Variants in PHF8 observed in about 807,000 individuals in gnomAD.
PHF8 encodes PHD finger protein 8.
In PHF8, 9 loss-of-function variants were observed where a neutral mutation model predicts 74.4. The ratio of observed to expected loss-of-function variants is 0.12; its 90% confidence interval spans 0.07 to 0.21. The LOEUF (loss-of-function observed/expected upper bound fraction) is 0.21, where lower values mean the gene tolerates loss of function less well. Among genes scored for constraint, PHF8 ranks in the 10% least tolerant of loss-of-function variants. The pLI, the probability that PHF8 is intolerant of heterozygous loss-of-function variation, is 1.00. For missense variants in PHF8, 478 were observed against 816.6 expected (o/e 0.59, Z 5.05); for synonymous variants, 311 against 316.6 (o/e 0.98, Z 0.19).
chrX:54,045,691 AT>A (rs782681933), upstream of PHF8, among the ~76,000 whole-genome samples: 2 of 112,769 alleles, frequency 1.8e-5, no homozygotes, highest in Admixed American at 1.9e-4. Flanking sequence ...AAGCGAGAAC[AT>A]TGTACTCAAA....
intron 8 of PHF8, among the ~76,000 whole-genome samples, chrX:54,005,335 G>A (rs1274240144): frequency 2.8e-5 from 3 of 107,493 alleles, no homozygotes; most frequent in African/African-American, 1.0e-4. Flanking sequence ...GGGCATGGTG[G>A]CACATGCCTG....
intron 18 of PHF8, among the ~76,000 whole-genome samples, chrX:53,980,368 A>G (rs898555619): frequency 4.5e-5 from 5 of 111,110 alleles, no homozygotes; most frequent in Admixed American, 3.9e-4. Flanking sequence ...ATTAGGACAT[A>G]CAGAGAGACG....
Position 54,042,792 on chromosome X carries a change from C to T in PHF8, c.-64G>A. The T allele has an allele frequency of 1.7e-6, 2 of 1,172,704 alleles. No individual in the cohort carries two copies. The highest frequency in any genetic ancestry group is 2.3e-6 in the Non-Finnish European group (2 of 873,555). ...TCGTCGTGTCAAGAGGGGCGGGAGGCGGCAGCACGCGTCCTCTCTGGACGA... is the reference window on the plus strand; with the variant it reads ...TCGTCGTGTCAAGAGGGGCGGGAGGTGGCAGCACGCGTCCTCTCTGGACGA... On this transcript the variant is annotated 5_prime_UTR_variant, in exon 2 of 22. Transcript: ENST00000338154.
chrX:53,970,593 C>T (rs1169933028), intron 18 of PHF8, among the ~76,000 whole-genome samples: 2 of 111,535 alleles, frequency 1.8e-5, no homozygotes, highest in Non-Finnish European at 3.8e-5. Context: ...ATGCTGTCTT[C>T]AGGAGACCCA....
Position 54,016,620 on chromosome X carries a change from T to C in PHF8, c.571A>G (p.Ile191Val), listed in dbSNP as rs782279926. Residue 191 changes from isoleucine to valine, a missense_variant, in exon 6 of 22, where the codon ATT (isoleucine) becomes GTT (valine). This residue lies in a region of PHF8 where 70 missense variants were observed against 234.1 expected (regional missense o/e 0.30). Transcript: ENST00000338154. ...SGKREKVLNV[I>V]SLEFSDTRLS... ...CTGGTATCAGAGAATTCCAAACTAATGACATTGAGGACTTTCTCCCTCTTC... is the reference window on the plus strand; with the variant it reads ...CTGGTATCAGAGAATTCCAAACTAACGACATTGAGGACTTTCTCCCTCTTC... 2.5e-6 allele frequency: 3 copies of C among 1,205,453 alleles called. No homozygotes were observed. Among genetic ancestry groups the C allele is most frequent in the Non-Finnish European group, 3.4e-6 (3 of 889,980 alleles).
intron 14 of PHF8, among the ~76,000 whole-genome samples, chrX:53,992,021 T>C (rs921032272): frequency 8.9e-6 from 1 of 112,207 alleles, no homozygotes; most frequent in Admixed American, 9.5e-5. Flanking sequence ...CGCTTGTATA[T>C]TGCATTTTTA....
chrX:53,982,610 G>A (rs2065496609), intron 18 of PHF8, among the ~76,000 whole-genome samples: 1 of 112,010 alleles, frequency 8.9e-6, no homozygotes, highest in Non-Finnish European at 1.9e-5. Context: ...TAGCTATTAA[G>A]GTACAGAACT....
At chrX:54,006,824 G>A (rs1303908119) in intron 8 of PHF8, among the ~76,000 whole-genome samples, 1 of 108,877 alleles carries the variant, frequency 9.2e-6, no homozygotes, top group African/African-American at 3.4e-5. Context: ...TGTAATCCCA[G>A]CTACTCGGGA....
At chrX:54,042,371 AAGG>A (rs1249149990) in intron 2 of PHF8, among the ~76,000 whole-genome samples, 2 of 74,309 alleles carry the variant, frequency 2.7e-5, no homozygotes, top group African/African-American at 1.5e-4. Context: ...CAGGAAAGAA[AAGG>A]GGGGGGGGGT....
At chrX:54,028,873 G>T (rs1446931918) in intron 2 of PHF8, among the ~76,000 whole-genome samples, 1 of 111,952 alleles carries the variant, frequency 8.9e-6, no homozygotes, top group African/African-American at 3.2e-5. Flanking sequence ...CTCTGGGTTT[G>T]CATCCTGGCT....
At chrX:53,980,651 T>TA (rs377290308) in intron 18 of PHF8, among the ~76,000 whole-genome samples, 1 of 112,039 alleles carries the variant, frequency 8.9e-6, no homozygotes, top group Non-Finnish European at 1.9e-5. Flanking sequence ...CAAATAGAAC[T>TA]AATAACAGTA....
chrX:54,043,184 C>T, intron 1 of PHF8: 1 of 759,865 alleles, frequency 1.3e-6, no homozygotes, highest in Non-Finnish European at 1.6e-6. Context: ...TCACAGGGCT[C>T]CCTCTATTAT....
chrX:54,019,881 AT>A (rs2066139598), intron 4 of PHF8, among the ~76,000 whole-genome samples: 1 of 108,815 alleles, frequency 9.2e-6, no homozygotes, highest in Non-Finnish European at 1.9e-5. Context: ...CAAAAAAAAA[AT>A]TGATAATAAA....
chrX:53,960,754 T>A (rs2065091148), intron 19 of PHF8, among the ~76,000 whole-genome samples: 1 of 108,140 alleles, frequency 9.2e-6, no homozygotes, highest in Non-Finnish European at 1.9e-5. Flanking sequence ...TTAAAAAAAA[T>A]TTAAAAAAAA....
At chrX:54,025,240 T>C (rs1475671394) in intron 2 of PHF8, among the ~76,000 whole-genome samples, 1 of 111,241 alleles carries the variant, frequency 9.0e-6, no homozygotes, top group Non-Finnish European at 1.9e-5. Flanking sequence ...CCATTATAGA[T>C]TGGAAATTTT....
At position 54,002,514 on chromosome X, in the gene PHF8, T is replaced by C. The variant is rs1211137238; in HGVS notation, c.1034+81A>G. The C allele has an allele frequency of 1.4e-5, 9 of 642,462 alleles. No individual in the cohort carries two copies. The Admixed American group carries it at 1.7e-4, about 12-fold the overall frequency. The allele number at this position is 642,462 out of a possible 1,213,427, so 52.9% of individuals were successfully genotyped here. On this transcript the variant is annotated intron_variant, in intron 9 of 21. Coordinates refer to ENST00000338154, the MANE Select transcript of PHF8 (RefSeq NM_015107.3). ...ACGAGGAACCATTCCTTTCTGGCCA[T>C]GTCCCCTCCTTCTACATTATACTCC... is the stretch of plus-strand genomic sequence containing the variant.
chrX:54,007,766 T>C (rs781997216), intron 8 of PHF8, among the ~76,000 whole-genome samples: 1 of 112,220 alleles, frequency 8.9e-6, no homozygotes, highest in South Asian at 3.7e-4. Context: ...TGGGGGAAGA[T>C]GTGAAGACAC....
intron 19 of PHF8, among the ~76,000 whole-genome samples, chrX:53,953,368 C>T (rs782022595): frequency 7.9e-4 from 86 of 108,216 alleles, no homozygotes; most frequent in Non-Finnish European, 1.4e-3. Flanking sequence ...GGGCTGGGCA[C>T]GGTGGCTCAT....
At chrX:54,007,052 T>C (rs1557105523) in intron 8 of PHF8, among the ~76,000 whole-genome samples, 1 of 111,429 alleles carries the variant, frequency 9.0e-6, no homozygotes, top group Non-Finnish European at 1.9e-5. Context: ...ATAATTGAGA[T>C]GGTGTGACAC....
Sources: gnomAD v4.1 joint callset for allele counts (sites outside exome capture counted in the v4.1 genomes callset) on GRCh38, gnomAD v4.1.1 for gene constraint, gnomAD v4.1.1 regional missense constraint, MANE v1.5 for transcripts, NCBI Gene and HGNC (gene_info 2026-07-23, HGNC 2026-07-21) for gene names.